Variants in BTD observed in about 807,000 individuals in gnomAD.
BTD encodes the protein biotinidase.
Under a neutral mutation model 17.7 loss-of-function variants are expected in BTD, and 13 were observed. That is an observed-to-expected ratio of 0.74 (90% CI 0.48 to 1.17). The LOEUF (loss-of-function observed/expected upper bound fraction) is 1.17. Among genes scored for constraint, BTD ranks in the 50% most tolerant of loss-of-function variants. The pLI, the probability that BTD is intolerant of heterozygous loss-of-function variation, is 0.00. For missense variants in BTD, 674 were observed against 650.4 expected, an observed-to-expected ratio of 1.04 and a Z score of -0.39; for synonymous variants, 240 against 245.2, an observed-to-expected ratio of 0.98 and a Z score of 0.20.
intron 3 of BTD, among the ~76,000 whole-genome samples, chr3:15,672,699 A>C (rs1442726339): frequency 6.6e-6 from 1 of 152,132 alleles, no homozygotes; most frequent in Non-Finnish European, 1.5e-5. Context: ...CTTGGATGAG[A>C]GCGGGAGTGG....
chr3:15,601,820 G>A lies in BTD; in HGVS notation c.-91G>A, dbSNP rs2064253702. The stretch of plus-strand genomic sequence containing the variant: ...CTCGCCATTGTCTCCGAGTCGGCCA[G>A]CTGGAGCGTTTTCGGGGCTGTAAAG... On this transcript the variant is annotated 5_prime_UTR_variant, in exon 1 of 4. Coordinates refer to ENST00000643237, the MANE Select transcript of BTD (RefSeq NM_001370658.1). 44 of 1,614,234 alleles carry A rather than the reference G, an allele frequency of 2.7e-5. No individual in the cohort carries two copies. The highest frequency in any genetic ancestry group is 3.6e-5 in the Non-Finnish European group (43 of 1,180,044).
At chr3:15,641,398 A>T (rs920785880) in intron 2 of BTD, among the ~76,000 whole-genome samples, 3 of 152,188 alleles carry the variant, frequency 2.0e-5, no homozygotes, top group Non-Finnish European at 2.9e-5. Context: ...CCCACAGTCA[A>T]TCAAATCAGA....
chr3:15,714,150 G>C (rs534683929), downstream of BTD, among the ~76,000 whole-genome samples: 132 of 152,168 alleles, frequency 8.7e-4, no homozygotes, highest in African/African-American at 3.1e-3. Context: ...AGTTTAGCTT[G>C]CCTGATATTA....
At chr3:15,693,428 GT>G (rs60070794) in intron 3 of BTD, among the ~76,000 whole-genome samples, 152,210 of 152,212 alleles carry the variant, frequency 1, 76,104 homozygotes, top group Non-Finnish European at 1. Context: ...GAAGGGTGGG[GT>G]AGAATACAAA....
At chr3:15,685,472 C>A (rs760164897) in intron 3 of BTD, 2 of 1,604,496 alleles carry the variant, frequency 1.2e-6, no homozygotes, top group Non-Finnish European at 1.7e-6. Flanking sequence ...TAAAGGTAGT[C>A]AAACATATTA....
At chr3:15,666,071 G>C (rs1027638091) in intron 3 of BTD, among the ~76,000 whole-genome samples, 1 of 152,198 alleles carries the variant, frequency 6.6e-6, no homozygotes, top group African/African-American at 2.4e-5. Flanking sequence ...ATCCACTCCT[G>C]AGGGCAAACT....
At chr3:15,718,633 A>C (rs1047603158) in intron 4 of BTD, among the ~76,000 whole-genome samples, 1 of 151,932 alleles carries the variant, frequency 6.6e-6, no homozygotes, top group Non-Finnish European at 1.5e-5. Flanking sequence ...ATGGCAGTGC[A>C]TAAAACAGGA....
chr3:15,636,488 T>G (rs1268959536), intron 2 of BTD, among the ~76,000 whole-genome samples: 1 of 152,194 alleles, frequency 6.6e-6, no homozygotes, highest in Non-Finnish European at 1.5e-5. Context: ...GAAAATGCCC[T>G]GCTGGAAAAC....
At position 15,670,582 on chromosome 3, in the gene BTD, A is replaced by T. The variant is rs139076839; in HGVS notation, c.399+28525A>T. 2.9e-3 allele frequency: 4,570 copies of T among 1,597,618 alleles called. 10 individuals carry two copies. The highest frequency in any genetic ancestry group is 3.6e-3 in the Non-Finnish European group (4,176 of 1,170,490). ...CTAGAATTAAAGATAAAATTTAAAA[A>T]TTAAGCATCCTGAGATGTATTTCAC... On this transcript the variant is annotated intron_variant, in intron 3 of 3. Transcript: ENST00000672141.
downstream of BTD, among the ~76,000 whole-genome samples, chr3:15,714,026 C>T (rs2072673796): frequency 6.6e-6 from 1 of 152,168 alleles, no homozygotes; most frequent in Non-Finnish European, 1.5e-5. Flanking sequence ...GAACCTATTT[C>T]AACTTTTCCC....
At chr3:15,677,577 T>G in intron 3 of BTD, 2 of 1,579,172 alleles carry the variant, frequency 1.3e-6, no homozygotes, top group Non-Finnish European at 1.7e-6. Flanking sequence ...GAGGAAAAAG[T>G]GCATCAATTC....
chr3:15,657,454 CTG>C (rs1475396574), downstream of BTD, among the ~76,000 whole-genome samples: 2 of 152,098 alleles, frequency 1.3e-5, no homozygotes, highest in Admixed American at 6.6e-5. Context: ...GATGAAGAAA[CTG>C]AGACACAGAG....
intron 1 of BTD, among the ~76,000 whole-genome samples, chr3:15,615,356 G>A (rs914479403): frequency 2.0e-5 from 3 of 152,242 alleles, no homozygotes; most frequent in Admixed American, 6.5e-5. Flanking sequence ...AAGTTTCTAC[G>A]TCAGATAGTT....
intron 3 of BTD, among the ~76,000 whole-genome samples, chr3:15,692,532 T>C (rs924123211): frequency 7.2e-5 from 11 of 152,186 alleles, no homozygotes; most frequent in Non-Finnish European, 1.2e-4. Flanking sequence ...ACAGGGCTTT[T>C]CCCCCCATGA....
chr3:15,637,273 T>C (rs2065375663), intron 2 of BTD, among the ~76,000 whole-genome samples: 1 of 152,000 alleles, frequency 6.6e-6, no homozygotes, highest in Non-Finnish European at 1.5e-5. Flanking sequence ...CCCGATTCTG[T>C]CTAATAAGGG....
intron 3 of BTD, among the ~76,000 whole-genome samples, chr3:15,677,216 G>A (rs2067032859): frequency 6.6e-6 from 1 of 152,124 alleles, no homozygotes; most frequent in South Asian, 2.1e-4. Context: ...AACACATCTT[G>A]GGAGTGAGGG....
Position 15,645,311 on chromosome 3 carries a change from C to T in BTD, c.1395C>T (p.His465=). The part of the protein sequence containing the change: ...ITEATGIFEF[H]LWGNFSTSYI... ...AGGCCACGGGGATATTTGAGTTTCA[C>T]CTGTGGGGCAACTTCAGTACTTCCT... is the stretch of plus-strand genomic sequence containing the variant. Residue 465 remains histidine (H), a synonymous_variant, in exon 4 of 4, where the codon CAC becomes CAT. Coordinates refer to ENST00000643237, the MANE Select transcript of BTD (RefSeq NM_001370658.1). The T allele has an allele frequency of 6.2e-7, 1 of 1,614,204 alleles. No individual in the cohort carries two copies. Among genetic ancestry groups the T allele is most frequent in the Non-Finnish European group, 8.5e-7 (1 of 1,180,034 alleles).
downstream of BTD, among the ~76,000 whole-genome samples, chr3:15,658,024 TG>T (rs1338694996): frequency 6.6e-6 from 1 of 151,926 alleles, no homozygotes; most frequent in Non-Finnish European, 1.5e-5. Flanking sequence ...GAAAGTTAGC[TG>T]GGCATGGTGG....
At chr3:15,604,121 G>A (rs979638067) in intron 1 of BTD, among the ~76,000 whole-genome samples, 15 of 152,230 alleles carry the variant, frequency 9.9e-5, no homozygotes, top group African/African-American at 3.4e-4. Context: ...CTGTATGGGG[G>A]CTCCCACCCC....
Sources: allele counts gnomAD v4.1 joint callset (sites outside exome capture counted in the v4.1 genomes callset), GRCh38; gene constraint gnomAD v4.1.1; transcripts MANE v1.5; gene names NCBI Gene and HGNC (gene_info 2026-07-23, HGNC 2026-07-21).